Variants in CABP1 observed in about 807,000 individuals in gnomAD.
CABP1 encodes calcium binding protein 1.
In CABP1, 17 loss-of-function variants were observed where a neutral mutation model predicts 34.3. The ratio of observed to expected loss-of-function variants is 0.50; its 90% confidence interval spans 0.34 to 0.74. The LOEUF is 0.74. Ranked by LOEUF, CABP1 falls within the 30% of genes least tolerant of loss-of-function variation. The probability of loss-of-function intolerance (pLI) is 0.01; values close to 1 mark genes in which losing one functional copy is unlikely to be tolerated. For synonymous variants in CABP1, 198 were observed against 229.2 expected (o/e 0.86, Z 1.23); for missense variants, 373 against 511.1 (o/e 0.73, Z 2.61).
At chr12:120,665,625 G>A (rs1196770908) in intron 5 of CABP1, among the ~76,000 whole-genome samples, 1 of 152,052 alleles carries the variant, frequency 6.6e-6, no homozygotes, top group Non-Finnish European at 1.5e-5. Context: ...TGTGGGATGT[G>A]GTTGGTGTGG....
Position 120,641,315 on chromosome 12 carries a change from C to CA in CABP1, c.631dup (p.Met211AsnfsTer10). 1 of 1,330,338 alleles carries CA rather than the reference C, an allele frequency of 7.5e-7. No homozygotes were observed. The highest frequency in any genetic ancestry group is 2.0e-5 in the South Asian group (1 of 50,164). 82.4% of individuals were successfully genotyped at this position (1,330,338 alleles called of 1,614,324 possible). The stretch of plus-strand genomic sequence containing the variant: ...ACCCGTTCCTCCACCGGCTGCGCCC[C>CA]ATGCTCAGCTCCGCCTTTGGCCAGG... On this transcript the variant is annotated frameshift_variant, in exon 1 of 6. Coordinates refer to ENST00000316803, the MANE Select transcript of CABP1 (RefSeq NM_001033677.2). LOFTEE classifies it high-confidence loss of function. This position sits in a 1 kb window ranked among gnomAD's most constrained non-coding sequence, Gnocchi z 6.7.
intron 1 of CABP1, among the ~76,000 whole-genome samples, chr12:120,658,300 A>C (rs1004358116): frequency 6.6e-6 from 1 of 151,900 alleles, no homozygotes; most frequent in African/African-American, 2.4e-5. Context: ...GTCTCACTAT[A>C]TCGCCCAGGC....
intron 1 of CABP1, among the ~76,000 whole-genome samples, chr12:120,646,647 A>G (rs7315739): frequency 0.015 from 2,223 of 152,188 alleles, 64 homozygotes; most frequent in African/African-American, 0.05. Flanking sequence ...CTGAGTATCT[A>G]TGACCAGGGG....
chr12:120,667,395 T>C (rs2051270749), downstream of CABP1: 1 of 167,318 alleles, frequency 6.0e-6, no homozygotes, highest in African/African-American at 2.4e-5. Flanking sequence ...ACCAACTGCA[T>C]GCCCAGAACC....
In CABP1 at chr12:120,660,683, A is replaced by G; in HGVS notation, c.830-48A>G. The G allele has an allele frequency of 1.6e-6, 2 of 1,279,742 alleles. No homozygotes were observed. Among genetic ancestry groups the G allele is most frequent in the Non-Finnish European group, 2.3e-6 (2 of 875,760 alleles). 79.3% of individuals were successfully genotyped at this position (1,279,742 alleles called of 1,614,324 possible). On this transcript the variant is annotated intron_variant, in intron 3 of 5. Coordinates refer to ENST00000316803, the MANE Select transcript of CABP1 (RefSeq NM_001033677.2). The surrounding 1 kb of genome is among the most constrained non-coding windows in gnomAD (Gnocchi z 5.0). ...TTCTGTCAGTTGTCTAGTTGGAGACAGGGAATGGGTATGTCGGGGATGACC... is the reference window on the plus strand; with the variant it reads ...TTCTGTCAGTTGTCTAGTTGGAGACGGGGAATGGGTATGTCGGGGATGACC...
At chr12:120,662,725 T>C (rs1361980529) in intron 5 of CABP1, among the ~76,000 whole-genome samples, 1 of 137,106 alleles carries the variant, frequency 7.3e-6, no homozygotes, top group Non-Finnish European at 1.5e-5. Flanking sequence ...GCTCTTGTAC[T>C]CCAGGCTGGA....
At chr12:120,667,493 G>A (rs561012695), downstream of CABP1, among the ~76,000 whole-genome samples, 5 of 152,194 alleles carry the variant, frequency 3.3e-5, no homozygotes, top group African/African-American at 1.2e-4. Flanking sequence ...TGACCTTCCT[G>A]TGTTTTCTGT....
chr12:120,647,481 A>G (rs1291809162), intron 1 of CABP1, among the ~76,000 whole-genome samples: 5 of 150,150 alleles, frequency 3.3e-5, no homozygotes, highest in Non-Finnish European at 7.4e-5. Context: ...CTTGGCCTCC[A>G]AGGATTACAG....
chr12:120,658,764 C>T (rs1016631373), intron 1 of CABP1, among the ~76,000 whole-genome samples: 3 of 152,236 alleles, frequency 2.0e-5, no homozygotes, highest in Admixed American at 1.3e-4. Flanking sequence ...GGCATGCCTG[C>T]GTGTCTGTGT....
intron 1 of CABP1, chr12:120,650,642 G>A (rs1396777628): frequency 3.7e-6 from 6 of 1,614,036 alleles, no homozygotes; most frequent in East Asian, 2.2e-5. Context: ...CTTAGGATGG[G>A]CAACTGTGTC....
rs1055636643 is a variant in CABP1 at position 120,660,013 on chromosome 12, C to T, written c.685+105C>T. 6 of 1,304,550 alleles carry T rather than the reference C, an allele frequency of 4.6e-6. No homozygotes were observed. Among genetic ancestry groups the T allele is most frequent in the South Asian group, 2.6e-5 (2 of 77,304 alleles). 80.8% of individuals were successfully genotyped at this position (1,304,550 alleles called of 1,614,324 possible). A position where few individuals can be genotyped will look rare whatever the true frequency, so the allele number is the denominator to read the frequency against. On this transcript the variant is annotated intron_variant, in intron 2 of 5. Coordinates refer to ENST00000316803, the MANE Select transcript of CABP1 (RefSeq NM_001033677.2). This position sits in a 1 kb window ranked among gnomAD's most constrained non-coding sequence, Gnocchi z 5.0. Reference sequence around the variant, plus strand: ...CCCCTGGAAATGGGGCCTGGTGCAACGCGGGGTATCTTCTGTGAAACCAGC... The same window carrying T: ...CCCCTGGAAATGGGGCCTGGTGCAATGCGGGGTATCTTCTGTGAAACCAGC...
At chr12:120,663,261 G>GTTATTTAT (rs150864781) in intron 5 of CABP1, among the ~76,000 whole-genome samples, 14 of 150,724 alleles carry the variant, frequency 9.3e-5, no homozygotes, top group East Asian at 3.9e-4. Flanking sequence ...TCAGTGAAAG[G>GTTATTTAT]TTATTTATTT....
At chr12:120,647,170 C>T (rs1051763366) in intron 1 of CABP1, among the ~76,000 whole-genome samples, 1 of 152,188 alleles carries the variant, frequency 6.6e-6, no homozygotes, top group Admixed American at 6.5e-5. Flanking sequence ...ATGGATGCCA[C>T]GCTTGGCCCT....
chr12:120,666,193 G>A (rs1305468871), intron 5 of CABP1, among the ~76,000 whole-genome samples: 2 of 115,764 alleles, frequency 1.7e-5, no homozygotes, highest in African/African-American at 7.7e-5. Context: ...GGGAGACTCT[G>A]TCTCTACATT....
intron 1 of CABP1, among the ~76,000 whole-genome samples, chr12:120,651,997 C>T (rs1159040813): frequency 6.6e-6 from 1 of 152,192 alleles, no homozygotes; most frequent in East Asian, 1.9e-4. Flanking sequence ...CCCATCTTCC[C>T]TTACACAACA....
At chr12:120,672,352 G>A in the CABP1 span, among the ~76,000 whole-genome samples, 4 of 152,130 alleles carry the variant, frequency 2.6e-5, no homozygotes, top group Non-Finnish European at 5.9e-5. Flanking sequence ...AAAGAGATGG[G>A]CCGGGCATGG....
At chr12:120,652,671 C>T (rs1486578678) in intron 1 of CABP1, among the ~76,000 whole-genome samples, 3 of 152,170 alleles carry the variant, frequency 2.0e-5, no homozygotes, top group African/African-American at 4.8e-5. Context: ...TCCAAATTCC[C>T]GCTCAGCGCA....
At chr12:120,667,654 A>C (rs527862321), downstream of CABP1, among the ~76,000 whole-genome samples, 4 of 152,030 alleles carry the variant, frequency 2.6e-5, no homozygotes, top group East Asian at 7.8e-4. Context: ...ACGCCTGGCT[A>C]ATTTTTGTAT....
intron 1 of CABP1, chr12:120,655,674 A>G (rs1333018198): frequency 1.4e-6 from 2 of 1,427,346 alleles, no homozygotes; most frequent in East Asian, 5.0e-5. Flanking sequence ...GATTGACTGA[A>G]TTGGGAGGTT....
Sources: gnomAD v4.1 joint callset for allele counts (sites outside exome capture counted in the v4.1 genomes callset) on GRCh38, gnomAD v4.1.1 for gene constraint, Gnocchi (gnomAD v3.1) non-coding constraint, MANE v1.5 for transcripts, NCBI Gene and HGNC (gene_info 2026-07-23, HGNC 2026-07-21) for gene names.